Variants in VAV1 observed in about 807,000 individuals in gnomAD.
The protein encoded by VAV1 is vav guanine nucleotide exchange factor 1, also known as proto-oncogene vav.
A neutral mutation model predicts 128.1 loss-of-function variants in VAV1; 33 were observed. The observed-to-expected ratio is 0.26, with a 90% CI of 0.20 to 0.34. The LOEUF (loss-of-function observed/expected upper bound fraction) is 0.34, where lower values mean the gene tolerates loss of function less well. Ranked by LOEUF, VAV1 falls within the 10% of genes least tolerant of loss-of-function variation. The pLI is 1.00. For synonymous variants in VAV1, 394 were observed against 409.8 expected (o/e 0.96, Z 0.47); for missense variants, 715 against 1,093.7 (o/e 0.65, Z 4.88).
chr19:6,795,489 T>A (rs1971113156), intron 1 of VAV1, among the ~76,000 whole-genome samples: 1 of 151,822 alleles, frequency 6.6e-6, no homozygotes, highest in Non-Finnish European at 1.5e-5. Context: ...TATTTATTTA[T>A]TTATTGAATT....
In VAV1 at chr19:6,828,870, C is replaced by T. The variant is rs1939389828; in HGVS notation, c.1235C>T (p.Thr412Ile). 21 of 1,614,094 alleles carry T rather than the reference C, an allele frequency of 1.3e-5. No homozygotes were observed. The highest frequency in any genetic ancestry group is 2.2e-5 in the East Asian group (1 of 44,886). ...RPKIDGELKI[T>I]SVERRSKMDR... Reference sequence around the variant, plus strand: ...AAGATCGACGGGGAACTCAAGATCACCTCGGTGGAACGGCGCTCCAAGATG... The same window carrying T: ...AAGATCGACGGGGAACTCAAGATCATCTCGGTGGAACGGCGCTCCAAGATG... The change falls in exon 13 of 27, where the codon ACC (threonine) becomes ATC (isoleucine). Residue 412 changes from threonine (T) to isoleucine (I), a missense_variant. By Grantham distance (89) the Thr-to-Ile change is moderately conservative. Around this residue, in one of 3 missense-constraint regions of VAV1, gnomAD observed 407 missense variants for 580.6 expected, o/e 0.70. Transcript: ENST00000602142. This position sits in a 1 kb window ranked among gnomAD's most constrained non-coding sequence, Gnocchi z 4.5.
intron 1 of VAV1, among the ~76,000 whole-genome samples, chr19:6,784,732 G>C (rs895061924): frequency 6.6e-6 from 1 of 152,054 alleles, no homozygotes; most frequent in African/African-American, 2.4e-5. Context: ...GGCCTCAAGT[G>C]ATCTACCCGC....
chr19:6,773,310 C>T (rs1344754152), intron 1 of VAV1, among the ~76,000 whole-genome samples: 26 of 152,072 alleles, frequency 1.7e-4, no homozygotes, highest in Admixed American at 1.7e-3. Flanking sequence ...GTGGTTCATG[C>T]CCCCAGATGG....
chr19:6,806,118 ACT>A (rs1780411361), intron 1 of VAV1, among the ~76,000 whole-genome samples: 2 of 151,966 alleles, frequency 1.3e-5, no homozygotes, highest in Admixed American at 1.3e-4. Flanking sequence ...ATGGAGTCTC[ACT>A]CTGTCACCCA....
chr19:6,848,003 C>T lies in VAV1; in HGVS notation c.2018C>T (p.Ala673Val), dbSNP rs1295017027. ...PQDLSVHLWY[A>V]GPMERAGAES... Reference sequence around the variant, plus strand: ...TCCTTGGTGTCTCTTTGCAGGTACGCAGGCCCCATGGAGCGGGCAGGGGCA... The same window carrying T: ...TCCTTGGTGTCTCTTTGCAGGTACGTAGGCCCCATGGAGCGGGCAGGGGCA... Residue 673 changes from alanine (A) to valine (V), a missense_variant, in exon 23 of 27, where the codon GCA becomes GTA. Ala to Val is a moderately conservative substitution (Grantham distance 64, BLOSUM62 0). This residue lies in a region of VAV1 where 407 missense variants were observed against 580.6 expected (regional missense o/e 0.70). Transcript: ENST00000602142. The T allele has an allele frequency of 1.3e-6, 2 of 1,513,318 alleles. No individual in the cohort carries two copies. Among genetic ancestry groups the T allele is most frequent in the Admixed American group, 2.6e-5 (1 of 39,064 alleles). The allele number at this position is 1,513,318 out of a possible 1,614,324, so 93.7% of individuals were successfully genotyped here.
intron 1 of VAV1, among the ~76,000 whole-genome samples, chr19:6,790,293 G>C (rs1970989713): frequency 6.6e-6 from 1 of 152,232 alleles, no homozygotes; most frequent in South Asian, 2.1e-4. Context: ...TTACAGCACA[G>C]GACATAATGG....
chr19:6,829,728 AG>A, intron 13 of VAV1, 57 bp from the exon 14 acceptor site: 1 of 1,603,346 alleles, frequency 6.2e-7, no homozygotes, highest in South Asian at 1.1e-5. Context: ...AACTGGTCAG[AG>A]GGCTGATGGG....
chr19:6,831,425 C>T (rs1350978274), intron 14 of VAV1, among the ~76,000 whole-genome samples: 3 of 152,124 alleles, frequency 2.0e-5, no homozygotes, highest in Non-Finnish European at 4.4e-5. Flanking sequence ...GATTCTCCTA[C>T]CTCAGCCTCC....
chr19:6,805,381 T>C (rs1260889487), intron 1 of VAV1, among the ~76,000 whole-genome samples: 1 of 151,766 alleles, frequency 6.6e-6, no homozygotes, highest in African/African-American at 2.4e-5. Flanking sequence ...GTTGAGATCA[T>C]AATACTGCAC....
At position 6,826,070 on chromosome 19, in the gene VAV1, G is replaced by T. The variant is rs1291998743; in HGVS notation, c.828-542G>T. Among the ~76,000 whole-genome samples the T allele has an allele frequency of 6.6e-6, 1 of 151,822 alleles. No homozygotes were observed. The highest frequency in any genetic ancestry group is 1.5e-5 in the Non-Finnish European group (1 of 67,952). ...AAATAAAAACAGGCCAGGCGTGGTG[G>T]CTCACGCCTGTAATTCCAGCACTTT... On this transcript the variant is annotated intron_variant, in intron 8 of 26. Coordinates refer to ENST00000602142, the MANE Select transcript of VAV1 (RefSeq NM_005428.4). The surrounding 1 kb of genome is among the most constrained non-coding windows in gnomAD (Gnocchi z 4.1).
intron 1 of VAV1, chr19:6,784,298 TAGA>T: frequency 2.0e-6 from 1 of 506,048 alleles, no homozygotes. Context: ...CAATGGGATG[TAGA>T]ATAAGAAGGA....
chr19:6,845,053 A>G (rs1195939312), intron 22 of VAV1, among the ~76,000 whole-genome samples: 1 of 151,968 alleles, frequency 6.6e-6, no homozygotes, highest in African/African-American at 2.4e-5. Context: ...TTAAACACCA[A>G]CTCGAACCAG....
chr19:6,833,081 C>A, intron 15 of VAV1, 103 bp from the exon 16 acceptor site: 1 of 955,436 alleles, frequency 1.0e-6, no homozygotes, highest in Non-Finnish European at 1.5e-6. Context: ...AATGAGTGGA[C>A]ACGCAAAACG....
chr19:6,787,180 C>T (rs1361865443), intron 1 of VAV1, among the ~76,000 whole-genome samples: 2 of 151,312 alleles, frequency 1.3e-5, no homozygotes, highest in Non-Finnish European at 2.9e-5. Flanking sequence ...TGTTTGTTTG[C>T]TTTTTTGTGT....
chr19:6,819,661 G>A (rs1285187403), intron 1 of VAV1, among the ~76,000 whole-genome samples: 4 of 152,164 alleles, frequency 2.6e-5, no homozygotes, highest in Non-Finnish European at 5.9e-5. Flanking sequence ...CAACTCTACT[G>A]ACGAGTCTGC....
intron 1 of VAV1, among the ~76,000 whole-genome samples, chr19:6,813,543 G>A (rs1034350657): frequency 6.6e-5 from 10 of 152,106 alleles, no homozygotes; most frequent in Non-Finnish European, 1.2e-4. Context: ...CAAACACATT[G>A]TCTTAATTAC....
At position 6,822,520 on chromosome 19, in the gene VAV1, C is replaced by G; in HGVS notation, c.654+6C>G. 1.3e-6 allele frequency: 2 copies of G among 1,545,636 alleles called. No individual in the cohort carries two copies. ...CGCTGGGCTCCATCCAGCAGGTGGG[C>G]GCCTCCCACCCAGCGCCTGCCGGGC... On this transcript the variant is annotated splice_donor_region_variant and intron_variant, in intron 6 of 26. Transcript: ENST00000602142. This position sits in a 1 kb window ranked among gnomAD's most constrained non-coding sequence, Gnocchi z 5.9.
intron 1 of VAV1, among the ~76,000 whole-genome samples, chr19:6,797,034 C>A (rs1345110131): frequency 6.6e-6 from 1 of 151,688 alleles, no homozygotes; most frequent in Non-Finnish European, 1.5e-5. Flanking sequence ...GGTCAGGAGA[C>A]CAGCCCAGCC....
At chr19:6,810,019 A>G (rs368405546) in intron 1 of VAV1, among the ~76,000 whole-genome samples, 29 of 152,202 alleles carry the variant, frequency 1.9e-4, no homozygotes, top group African/African-American at 7.0e-4. Flanking sequence ...AAAAATAAAA[A>G]TAAAAATAAC....
Sources: allele counts gnomAD v4.1 joint callset (sites outside exome capture counted in the v4.1 genomes callset), GRCh38; gene constraint gnomAD v4.1.1; regional missense constraint gnomAD v4.1.1; non-coding constraint Gnocchi (gnomAD v3.1); transcripts MANE v1.5; gene names NCBI Gene and HGNC (gene_info 2026-07-23, HGNC 2026-07-21).